Variants in PRP4K observed in about 807,000 individuals in gnomAD.
PRP4K encodes the protein serine/threonine-protein kinase PRP4 homolog.
At chr6:4,029,292 T>C in the PRP4K span, among the ~76,000 whole-genome samples, 1 of 151,780 alleles carries the variant, frequency 6.6e-6, no homozygotes, top group African/African-American at 2.4e-5. Context: ...TGCCCCTTTT[T>C]CCCTTCTTGT....
the PRP4K span, among the ~76,000 whole-genome samples, chr6:4,046,860 G>C: frequency 6.6e-6 from 1 of 151,980 alleles, no homozygotes; most frequent in African/African-American, 2.4e-5. Context: ...GTTTCGCCTT[G>C]TTGGCCAGGC....
chr6:4,027,035 G>C, the PRP4K span, among the ~76,000 whole-genome samples: 5 of 152,198 alleles, frequency 3.3e-5, no homozygotes, highest in Admixed American at 6.5e-5. Flanking sequence ...TGGGAGAAGA[G>C]TGTTAGGTTT....
the PRP4K span, chr6:4,048,983 G>A: frequency 6.6e-7 from 1 of 1,526,648 alleles, no homozygotes; most frequent in Non-Finnish European, 9.0e-7. Flanking sequence ...CTGACAAGTG[G>A]GTAAACTGTT....
At chr6:4,022,346 T>A in the PRP4K span, among the ~76,000 whole-genome samples, 1 of 150,900 alleles carries the variant, frequency 6.6e-6, no homozygotes, top group Admixed American at 6.6e-5. Flanking sequence ...AGGTTAACCA[T>A]TGGTTAACTT....
chr6:4,028,633 A>T, the PRP4K span, among the ~76,000 whole-genome samples: 1 of 152,272 alleles, frequency 6.6e-6, no homozygotes, highest in East Asian at 1.9e-4. Flanking sequence ...AGTCAACCCA[A>T]ATTAAAACCT....
the PRP4K span, chr6:4,037,506 A>T: frequency 1.2e-6 from 2 of 1,614,128 alleles, no homozygotes. Context: ...CATTAGAAGG[A>T]GGTCTCGTTC....
the PRP4K span, chr6:4,037,580 T>G: frequency 3.7e-6 from 6 of 1,608,764 alleles, no homozygotes; most frequent in East Asian, 1.3e-4. Context: ...GGTAAAGACA[T>G]TTCATCCTTG....
the PRP4K span, chr6:4,050,549 G>A: frequency 5.7e-5 from 10 of 175,390 alleles, no homozygotes; most frequent in African/African-American, 2.4e-4. Context: ...TCACTATGGT[G>A]ACCTGCAAAA....
the PRP4K span, chr6:4,058,770 A>C: frequency 6.2e-7 from 1 of 1,613,488 alleles, no homozygotes; most frequent in Non-Finnish European, 8.5e-7. Flanking sequence ...TTTTGATCAA[A>C]ATCTCAACTT....
At chr6:4,040,523 T>C in the PRP4K span, among the ~76,000 whole-genome samples, 3,141 of 152,334 alleles carry the variant, frequency 0.021, 106 homozygotes, top group African/African-American at 0.072. Flanking sequence ...CAGAGTTTGA[T>C]AAGGAGTAGG....
the PRP4K span, among the ~76,000 whole-genome samples, chr6:4,039,901 T>C: frequency 1.6e-5 from 2 of 128,028 alleles, no homozygotes; most frequent in Non-Finnish European, 3.1e-5. Flanking sequence ...TCCCTTCTCC[T>C]CTTTTCTTTT....
At chr6:4,060,748 C>T in the PRP4K span, 3 of 807,794 alleles carry the variant, frequency 3.7e-6, no homozygotes, top group Non-Finnish European at 5.8e-6. This position sits in a 1 kb window ranked among gnomAD's most constrained non-coding sequence, Gnocchi z 4.7. Context: ...TTTGAATTAA[C>T]ACCAAGGGTG....
At chr6:4,063,461 G>C in the PRP4K span, 2 of 152,146 alleles carry the variant, frequency 1.3e-5, no homozygotes, top group African/African-American at 2.4e-5. Context: ...GTAGTCTTCA[G>C]CTTTAGGCAG....
the PRP4K span, chr6:4,040,756 T>C: frequency 6.2e-7 from 1 of 1,610,850 alleles, no homozygotes; most frequent in African/African-American, 1.3e-5. Context: ...ATACCTGTCT[T>C]TTCTTCTTTA....
At chr6:4,052,223 T>TA in the PRP4K span, 1 of 1,033,034 alleles carries the variant, frequency 9.7e-7, no homozygotes, top group Non-Finnish European at 1.3e-6. Flanking sequence ...CTCTGGTTTT[T>TA]GTTTTTAACT....
the PRP4K span, among the ~76,000 whole-genome samples, chr6:4,058,239 A>C: frequency 7.9e-5 from 12 of 152,204 alleles, no homozygotes; most frequent in African/African-American, 2.9e-4. Flanking sequence ...TGATTTGTAC[A>C]TATTGTCCAA....
the PRP4K span, among the ~76,000 whole-genome samples, chr6:4,026,581 G>A: frequency 6.6e-6 from 1 of 152,152 alleles, no homozygotes; most frequent in Non-Finnish European, 1.5e-5. Flanking sequence ...GGGTTTACAG[G>A]TGTGAGCCAC....
At chr6:4,038,855 T>C in the PRP4K span, among the ~76,000 whole-genome samples, 1 of 152,102 alleles carries the variant, frequency 6.6e-6, no homozygotes, top group Non-Finnish European at 1.5e-5. Flanking sequence ...CCCCATTTAT[T>C]TTGCTAATTA....
At chr6:4,057,273 A>G in the PRP4K span, 3 of 1,410,210 alleles carry the variant, frequency 2.1e-6, no homozygotes, top group Middle Eastern at 1.8e-4. Flanking sequence ...CTAGTGAGCT[A>G]TAAAACAAAA....
Sources: allele counts gnomAD v4.1 joint callset (sites outside exome capture counted in the v4.1 genomes callset), GRCh38; gene constraint gnomAD v4.1.1; non-coding constraint Gnocchi (gnomAD v3.1); transcripts MANE v1.5; gene names NCBI Gene and HGNC (gene_info 2026-07-23, HGNC 2026-07-21).